Variants in PPP2R2B observed in about 807,000 individuals in gnomAD.
The protein encoded by PPP2R2B is serine/threonine-protein phosphatase 2A 55 kDa regulatory subunit B beta isoform.
Under a neutral mutation model 46.0 loss-of-function variants are expected in PPP2R2B, and 5 were observed. The observed-to-expected ratio is 0.11, with a 90% CI of 0.06 to 0.23. The LOEUF (loss-of-function observed/expected upper bound fraction) is 0.23. PPP2R2B is among the 10% of genes least tolerant of loss of function. PPP2R2B has a pLI of 1.00. For synonymous variants in PPP2R2B, 215 were observed against 206.7 expected (o/e 1.04, Z -0.34); for missense variants, 367 against 575.0 (o/e 0.64, Z 3.70).
chr5:146,732,521 G>A (rs976933404), intron 2 of PPP2R2B, among the ~76,000 whole-genome samples: 7 of 152,066 alleles, frequency 4.6e-5, no homozygotes, highest in Non-Finnish European at 7.4e-5. Flanking sequence ...AGGTATAAGA[G>A]GAAATATAAA....
chr5:146,640,139 C>T (rs1775099776), intron 6 of PPP2R2B, among the ~76,000 whole-genome samples: 1 of 152,240 alleles, frequency 6.6e-6, no homozygotes, highest in African/African-American at 2.4e-5. Context: ...AACATTCCAA[C>T]ATGCAATTTG....
At chr5:146,880,521 T>C (rs141515158), upstream of PPP2R2B, among the ~76,000 whole-genome samples, 635 of 152,268 alleles carry the variant, frequency 4.2e-3, 3 homozygotes, top group African/African-American at 0.014. Flanking sequence ...GCTAAGTTCA[T>C]CTCTTAGTGA....
chr5:146,715,464 C>T (rs555656153), intron 2 of PPP2R2B, among the ~76,000 whole-genome samples: 5 of 152,230 alleles, frequency 3.3e-5, no homozygotes, highest in South Asian at 4.1e-4. Flanking sequence ...AAGCCAGGCA[C>T]GGCGTTCGAC....
chr5:147,023,164 G>A (rs1028048910), intron 1 of PPP2R2B, among the ~76,000 whole-genome samples: 1 of 152,092 alleles, frequency 6.6e-6, no homozygotes, highest in Middle Eastern at 3.2e-3. Context: ...ATCAGAAAGG[G>A]AAAGACATGC....
At chr5:146,906,040 A>C (rs1011241022) in intron 1 of PPP2R2B, among the ~76,000 whole-genome samples, 3 of 152,166 alleles carry the variant, frequency 2.0e-5, no homozygotes, top group African/African-American at 4.8e-5. Context: ...CAATTTGGAC[A>C]TTTGAACCTA....
chr5:146,910,543 A>C (rs1190480859), intron 1 of PPP2R2B, among the ~76,000 whole-genome samples: 1 of 152,196 alleles, frequency 6.6e-6, no homozygotes, highest in Non-Finnish European at 1.5e-5. Context: ...TCTGACCATT[A>C]GTTGCCTCAT....
At chr5:146,608,071 A>C (rs1300995054) in intron 7 of PPP2R2B, among the ~76,000 whole-genome samples, 2 of 152,246 alleles carry the variant, frequency 1.3e-5, no homozygotes, top group African/African-American at 4.8e-5. Flanking sequence ...GTAAAAAAGA[A>C]AAGTTGTGAG....
chr5:146,953,586 A>T (rs770907232), intron 1 of PPP2R2B, among the ~76,000 whole-genome samples: 9 of 152,178 alleles, frequency 5.9e-5, no homozygotes, highest in Non-Finnish European at 1.3e-4. Flanking sequence ...GTGATACAAA[A>T]CTGAATTTGC....
chr5:146,911,472 G>C (rs1213013893), intron 1 of PPP2R2B, among the ~76,000 whole-genome samples: 1 of 152,164 alleles, frequency 6.6e-6, no homozygotes, highest in Non-Finnish European at 1.5e-5. Flanking sequence ...TAGATGCTAA[G>C]TTAGTTCCAA....
At chr5:147,054,941 A>G (rs973369895) in intron 1 of PPP2R2B, among the ~76,000 whole-genome samples, 2 of 152,244 alleles carry the variant, frequency 1.3e-5, no homozygotes, top group African/African-American at 4.8e-5. Flanking sequence ...GGAATTCTGC[A>G]GTGCTTAGTT....
intron 1 of PPP2R2B, among the ~76,000 whole-genome samples, chr5:147,040,196 T>G (rs759692560): frequency 3.9e-5 from 6 of 152,120 alleles, no homozygotes; most frequent in Non-Finnish European, 8.8e-5. Context: ...ATCAGTTTGG[T>G]GAGGTCTATG....
intron 1 of PPP2R2B, among the ~76,000 whole-genome samples, chr5:146,964,158 A>G (rs2151843757): frequency 6.6e-6 from 1 of 152,340 alleles, no homozygotes; most frequent in Middle Eastern, 3.4e-3. Context: ...ATCCTCTTAA[A>G]CATGAGATTC....
chr5:146,902,542 A>T (rs9325026), intron 1 of PPP2R2B, among the ~76,000 whole-genome samples: 1 of 152,042 alleles, frequency 6.6e-6, no homozygotes, highest in African/African-American at 2.4e-5. Context: ...TGTCACAAAA[A>T]TCCTGAGGTC....
At position 146,805,933 on chromosome 5, in the gene PPP2R2B, A is replaced by T. The variant is rs186175455; in HGVS notation, c.70+72069T>A. On this transcript the variant is annotated intron_variant, in intron 2 of 9. Transcript: ENST00000394411. ...ATTTATTTCCTAGAATCCAAATCAC[A>T]TGATGGAAAAGACCTAGAAAAGTGT... Among the ~76,000 whole-genome samples, 1,005 of 152,326 alleles carry T rather than the reference A, an allele frequency of 6.6e-3. 7 individuals are homozygous for T. The highest frequency in any genetic ancestry group is 0.013 in the Admixed American group (204 of 15,304).
chr5:146,740,616 CACACA>C (rs1325683036), intron 2 of PPP2R2B, among the ~76,000 whole-genome samples: 1 of 122,156 alleles, frequency 8.2e-6, no homozygotes, highest in Non-Finnish European at 1.8e-5. Flanking sequence ...CACACACACA[CACACA>C]CAGATAAAAG....
At chr5:146,890,271 G>A (rs1047758380) in intron 1 of PPP2R2B, among the ~76,000 whole-genome samples, 1 of 152,180 alleles carries the variant, frequency 6.6e-6, no homozygotes, top group Admixed American at 6.5e-5. Context: ...GCCCTGTGAT[G>A]GGCCAGGGAA....
chr5:146,681,571 A>T (rs1194548855), intron 5 of PPP2R2B, among the ~76,000 whole-genome samples: 2 of 152,210 alleles, frequency 1.3e-5, no homozygotes, highest in East Asian at 3.8e-4. Flanking sequence ...TCTCTCCTTC[A>T]ATCATCCAAT....
chr5:147,055,604 G>A, intron 1 of PPP2R2B: 1 of 1,443,604 alleles, frequency 6.9e-7, no homozygotes. Context: ...GAACCCGTGG[G>A]AAGTCAGACA....
At chr5:146,786,869 A>G (rs527650091) in intron 2 of PPP2R2B, among the ~76,000 whole-genome samples, 1 of 152,326 alleles carries the variant, frequency 6.6e-6, no homozygotes, top group Non-Finnish European at 1.5e-5. Context: ...CTTTAATTCA[A>G]TCATCTCAGG....
Sources: allele counts gnomAD v4.1 joint callset (sites outside exome capture counted in the v4.1 genomes callset), GRCh38; gene constraint gnomAD v4.1.1; transcripts MANE v1.5; gene names NCBI Gene and HGNC (gene_info 2026-07-23, HGNC 2026-07-21).